The following NELL1 variants were observed in gnomAD, a reference collection of about 807,000 sequenced individuals.
NELL1 encodes the protein protein kinase C-binding protein NELL1.
A neutral mutation model predicts 107.4 loss-of-function variants in NELL1; 76 were observed. The observed-to-expected ratio is 0.71, with a 90% confidence interval of 0.59 to 0.86. The LOEUF is 0.86. Among genes scored for constraint, NELL1 ranks in the 40% least tolerant of loss-of-function variants. The pLI is 0.00. For synonymous variants in NELL1, 353 were observed against 341.2 expected, an observed-to-expected ratio of 1.03 and a Z score of -0.38; for missense variants, 1,024 against 1,005.5, an observed-to-expected ratio of 1.02 and a Z score of -0.25.
chr11:21,331,589 C>G (rs982609080), intron 14 of NELL1, among the ~76,000 whole-genome samples: 3 of 152,062 alleles, frequency 2.0e-5, no homozygotes, highest in African/African-American at 7.2e-5. Context: ...GTAATACACT[C>G]AGGTATTAGT....
intron 14 of NELL1, among the ~76,000 whole-genome samples, chr11:21,236,866 G>C (rs1478585767): frequency 1.3e-5 from 2 of 152,080 alleles, no homozygotes; most frequent in Middle Eastern, 3.2e-3. Context: ...AAGAAGGCCT[G>C]CCAGCCACCT....
chr11:21,093,931 G>T (rs1380148887), intron 12 of NELL1, among the ~76,000 whole-genome samples: 1 of 152,082 alleles, frequency 6.6e-6, no homozygotes, highest in Non-Finnish European at 1.5e-5. Context: ...CAAATCCCAT[G>T]TCCTTGTATT....
chr11:20,821,966 C>T (rs187289114), intron 3 of NELL1, among the ~76,000 whole-genome samples: 68 of 152,304 alleles, frequency 4.5e-4, no homozygotes, highest in Middle Eastern at 3.4e-3. Flanking sequence ...AGTAGTACTA[C>T]GTCCAGTTCT....
chr11:20,892,547 C>T (rs893651436), intron 5 of NELL1, among the ~76,000 whole-genome samples: 5 of 152,146 alleles, frequency 3.3e-5, no homozygotes, highest in Admixed American at 6.5e-5. Flanking sequence ...GATCTATGAC[C>T]GGAAACACCA....
At chr11:21,105,679 T>G (rs4108665) in intron 12 of NELL1, among the ~76,000 whole-genome samples, 53,170 of 151,866 alleles carry the variant, frequency 0.35, 10,638 homozygotes, top group African/African-American at 0.55. Context: ...TTGATTTTGG[T>G]GCTGCTTTTC....
chr11:21,068,063 C>T (rs1035719794), intron 12 of NELL1, among the ~76,000 whole-genome samples: 16 of 91,976 alleles, frequency 1.7e-4, no homozygotes, highest in African/African-American at 7.2e-4. Context: ...AAAAAAAGAC[C>T]TCTATTCTAG....
chr11:20,748,924 C>T (rs1408942349), intron 2 of NELL1, among the ~76,000 whole-genome samples: 4 of 149,168 alleles, frequency 2.7e-5, no homozygotes, highest in Admixed American at 6.7e-5. Flanking sequence ...ATCCATCCAT[C>T]CATCCATCCA....
intron 14 of NELL1, among the ~76,000 whole-genome samples, chr11:21,321,480 T>C (rs1445853357): frequency 6.6e-6 from 1 of 152,142 alleles, no homozygotes; most frequent in African/African-American, 2.4e-5. Context: ...TTTTATCTCA[T>C]ATAAATGTTA....
rs749552087 is a variant in NELL1, at chr11:21,177,806, G to T, written c.1427-51526G>T. ...GTTACCTTTCATTTTTTTTATAATC[G>T]TTCTAACAGGTGTGAGGTAATGTCT... On this transcript the variant is annotated intron_variant, in intron 13 of 19. Transcript: ENST00000357134. Among the ~76,000 whole-genome samples the T allele has an allele frequency of 2.0e-4, 30 of 151,046 alleles. 1 individual carries two copies. Among genetic ancestry groups the T allele is most frequent in the African/African-American group, 6.4e-4 (26 of 40,824 alleles).
At chr11:21,156,779 C>T (rs1274157991) in intron 13 of NELL1, among the ~76,000 whole-genome samples, 2 of 151,964 alleles carry the variant, frequency 1.3e-5, no homozygotes, top group Non-Finnish European at 2.9e-5. Flanking sequence ...AGGGTAAAAT[C>T]ATTAGAGCAG....
chr11:21,445,493 ATTT>A (rs1012603995), intron 15 of NELL1, among the ~76,000 whole-genome samples: 1 of 151,696 alleles, frequency 6.6e-6, no homozygotes, highest in Non-Finnish European at 1.5e-5. Flanking sequence ...TGCCTGGCTA[ATTT>A]TGTATTTTTA....
intron 13 of NELL1, among the ~76,000 whole-genome samples, chr11:21,170,767 G>A (rs2133811989): frequency 6.6e-6 from 1 of 150,556 alleles, no homozygotes; most frequent in African/African-American, 2.5e-5. Context: ...TATAAAACAA[G>A]TGAAAAAATT....
At chr11:21,462,477 G>C (rs1405833518) in intron 15 of NELL1, among the ~76,000 whole-genome samples, 4 of 151,904 alleles carry the variant, frequency 2.6e-5, no homozygotes, top group African/African-American at 9.7e-5. Context: ...TTTTCTTTAG[G>C]GTTAAGAAGT....
chr11:21,467,408 G>A (rs1362893107), intron 15 of NELL1, among the ~76,000 whole-genome samples: 1 of 152,048 alleles, frequency 6.6e-6, no homozygotes, highest in Non-Finnish European at 1.5e-5. Context: ...TTGTCCTGCA[G>A]TTGCAGGAGT....
intron 14 of NELL1, among the ~76,000 whole-genome samples, chr11:21,333,750 C>T (rs757841599): frequency 6.6e-6 from 1 of 151,982 alleles, no homozygotes; most frequent in Admixed American, 6.6e-5. Flanking sequence ...TGTCACTTTT[C>T]CTTGTCCAGT....
chr11:20,797,471 C>G (rs1243599021), intron 3 of NELL1, among the ~76,000 whole-genome samples: 5 of 143,114 alleles, frequency 3.5e-5, no homozygotes, highest in African/African-American at 5.1e-5. Flanking sequence ...GAGGCTGAGG[C>G]AGGAGAATGG....
At chr11:21,508,564 A>T (rs1855356136) in intron 15 of NELL1, among the ~76,000 whole-genome samples, 1 of 152,202 alleles carries the variant, frequency 6.6e-6, no homozygotes, top group Admixed American at 6.5e-5. Flanking sequence ...TCGGAAAATT[A>T]CAGTTCAATA....
chr11:20,752,440 T>C (rs1455618823), intron 2 of NELL1, among the ~76,000 whole-genome samples: 6 of 152,108 alleles, frequency 3.9e-5, no homozygotes, highest in African/African-American at 1.4e-4. Context: ...TCCCAGCTAC[T>C]TGGGAGGCTG....
intron 14 of NELL1, among the ~76,000 whole-genome samples, chr11:21,368,887 G>A (rs1407196632): frequency 6.6e-6 from 1 of 151,996 alleles, no homozygotes; most frequent in East Asian, 1.9e-4. Context: ...ACCATTTTAA[G>A]TTCTTTGTAA....
Sources: allele counts gnomAD v4.1 joint callset (sites outside exome capture counted in the v4.1 genomes callset), GRCh38; gene constraint gnomAD v4.1.1; transcripts MANE v1.5; gene names NCBI Gene and HGNC (gene_info 2026-07-23, HGNC 2026-07-21).